PDGFC: variants seen among roughly 807,000 people sequenced by gnomAD.
The protein encoded by PDGFC is platelet derived growth factor C.
In PDGFC, 12 loss-of-function variants were observed where a neutral mutation model predicts 35.5. The ratio of observed to expected loss-of-function variants is 0.34; its 90% CI spans 0.22 to 0.55. The LOEUF is 0.55. Ranked by LOEUF, PDGFC falls within the 20% of genes least tolerant of loss-of-function variation. PDGFC has a pLI of 0.91. For synonymous variants in PDGFC, 159 were observed against 148.8 expected, an observed-to-expected ratio of 1.07 and a Z score of -0.50; for missense variants, 322 against 412.4, an observed-to-expected ratio of 0.78 and a Z score of 1.90.
chr4:156,849,419 C>T (rs1729400215), intron 2 of PDGFC, among the ~76,000 whole-genome samples: 1 of 152,026 alleles, frequency 6.6e-6, no homozygotes, highest in Non-Finnish European at 1.5e-5. Flanking sequence ...TGAAAATTCT[C>T]TTTTAACTTG....
intron 2 of PDGFC, among the ~76,000 whole-genome samples, chr4:156,841,707 A>T (rs1729210332): frequency 6.6e-6 from 1 of 151,790 alleles, no homozygotes; most frequent in Admixed American, 6.6e-5. Flanking sequence ...GGTTTTACCA[A>T]ACTGGCCAAG....
At chr4:156,927,735 C>T (rs1560877065) in intron 1 of PDGFC, among the ~76,000 whole-genome samples, 1 of 152,160 alleles carries the variant, frequency 6.6e-6, no homozygotes, top group African/African-American at 2.4e-5. Flanking sequence ...GAGTCCCAAA[C>T]TTTGCCATAT....
At chr4:156,771,787 A>C (rs1730699863) in intron 4 of PDGFC, among the ~76,000 whole-genome samples, 1 of 152,062 alleles carries the variant, frequency 6.6e-6, no homozygotes, top group Non-Finnish European at 1.5e-5. Flanking sequence ...CTTTCATATA[A>C]ATTCTCTAGG....
chr4:156,810,552 T>C (rs1365262406), intron 3 of PDGFC, among the ~76,000 whole-genome samples: 3 of 152,060 alleles, frequency 2.0e-5, no homozygotes, highest in Non-Finnish European at 2.9e-5. Context: ...ATTTAATCAG[T>C]TGTCTAGATA....
intron 1 of PDGFC, among the ~76,000 whole-genome samples, chr4:156,952,349 T>G (rs1169649249): frequency 3.3e-5 from 5 of 151,904 alleles, no homozygotes; most frequent in Non-Finnish European, 1.5e-5. Context: ...ACTTATTTGT[T>G]GTTATTAAAC....
intron 1 of PDGFC, among the ~76,000 whole-genome samples, chr4:156,904,950 CAT>C (rs1299242696): frequency 1.3e-5 from 2 of 152,106 alleles, no homozygotes; most frequent in African/African-American, 4.8e-5. Flanking sequence ...AATACAAGCA[CAT>C]GTTAAAAATA....
intron 1 of PDGFC, among the ~76,000 whole-genome samples, chr4:156,860,311 T>C (rs1238861018): frequency 6.6e-6 from 1 of 152,172 alleles, no homozygotes; most frequent in Non-Finnish European, 1.5e-5. Context: ...TCCTCCTTTA[T>C]GGCATTTGCA....
intron 2 of PDGFC, among the ~76,000 whole-genome samples, chr4:156,834,383 G>T (rs1488001857): frequency 6.6e-6 from 1 of 152,090 alleles, no homozygotes; most frequent in Non-Finnish European, 1.5e-5. Context: ...TTTCCACTGA[G>T]ATTAACCCCA....
chr4:156,866,897 C>T (rs1482553780), intron 1 of PDGFC, among the ~76,000 whole-genome samples: 1 of 152,136 alleles, frequency 6.6e-6, no homozygotes, highest in African/African-American at 2.4e-5. Flanking sequence ...GAATGCATCT[C>T]TAATCTTCCT....
At chr4:156,895,383 C>T (rs1036387255) in intron 1 of PDGFC, among the ~76,000 whole-genome samples, 7 of 151,866 alleles carry the variant, frequency 4.6e-5, no homozygotes, top group African/African-American at 1.7e-4. Context: ...ACCTGTAATC[C>T]CAGCACTTTG....
intron 1 of PDGFC, chr4:156,861,551 G>T: frequency 1.9e-6 from 1 of 537,324 alleles, no homozygotes; most frequent in Non-Finnish European, 3.0e-6. Flanking sequence ...TAATCTAGGT[G>T]GTTCAGAATC....
At chr4:156,876,759 T>C (rs1446750489) in intron 1 of PDGFC, 2 of 152,172 alleles carry the variant, frequency 1.3e-5, no homozygotes, top group African/African-American at 4.8e-5. Context: ...AAACTGTATG[T>C]TATTTTTCAT....
At chr4:156,778,007 G>C (rs926374923) in intron 3 of PDGFC, among the ~76,000 whole-genome samples, 1 of 152,130 alleles carries the variant, frequency 6.6e-6, no homozygotes, top group Admixed American at 6.5e-5. Context: ...GGGAGGCTGA[G>C]GGACAAGAAT....
intron 4 of PDGFC, among the ~76,000 whole-genome samples, chr4:156,768,471 T>C (rs1438719100): frequency 6.6e-6 from 1 of 152,062 alleles, no homozygotes. Context: ...AACAGCTCTT[T>C]CTATAATCTC....
In PDGFC at chr4:156,822,752, C is replaced by A. The variant is rs892352572; in HGVS notation, c.315-11735G>T. On this transcript the variant is annotated intron_variant, in intron 2 of 5. Transcript: ENST00000502773. ...TACTCTAAGCTTCAGAGCTCATATT[C>A]TCTTTTATTTATTTATTTATTTTTT... 2.8e-4 allele frequency among the ~76,000 whole-genome samples: 41 copies of A among 148,988 alleles called. 1 individual carries two copies. The highest frequency in any genetic ancestry group is 1.7e-3 in the East Asian group (9 of 5,164).
At chr4:156,861,134 T>C (rs1269099979) in intron 1 of PDGFC, among the ~76,000 whole-genome samples, 1 of 152,028 alleles carries the variant, frequency 6.6e-6, no homozygotes, top group Non-Finnish European at 1.5e-5. Flanking sequence ...AATGTAGACA[T>C]TTTTGCGGTT....
chr4:156,882,162 C>T lies in PDGFC; in HGVS notation c.119-31746G>A, dbSNP rs945067009. Among the ~76,000 whole-genome samples, 25 of 152,124 alleles carry T rather than the reference C, an allele frequency of 1.6e-4. 2 individuals carry two copies. Among genetic ancestry groups the T allele is most frequent in the Admixed American group, 4.6e-4 (7 of 15,284 alleles). On this transcript the variant is annotated intron_variant, in intron 1 of 5. Transcript: ENST00000502773. ...TAAGTATCCTGCTATTTCATTATTC[C>T]GCAACTAAAACAATACATTGTTAAG...
chr4:156,901,864 G>A (rs747581925), intron 1 of PDGFC, among the ~76,000 whole-genome samples: 15 of 151,978 alleles, frequency 9.9e-5, no homozygotes, highest in Admixed American at 3.3e-4. Flanking sequence ...TGCCCGCCTC[G>A]GCCTCCCAAA....
chr4:156,962,535 C>A (rs1732367273), intron 1 of PDGFC, among the ~76,000 whole-genome samples: 1 of 152,190 alleles, frequency 6.6e-6, no homozygotes, highest in Non-Finnish European at 1.5e-5. Context: ...TTCTCAAAGG[C>A]AGGTCTGCAT....
Sources: gnomAD v4.1 joint callset for allele counts (sites outside exome capture counted in the v4.1 genomes callset) on GRCh38, gnomAD v4.1.1 for gene constraint, MANE v1.5 for transcripts, NCBI Gene and HGNC (gene_info 2026-07-23, HGNC 2026-07-21) for gene names.